The following OVCH1 variants were observed in gnomAD, a reference collection of about 807,000 sequenced individuals.
OVCH1 encodes ovochymase 1, also known as ovochymase-1.
Under a neutral mutation model 138.4 loss-of-function variants are expected in OVCH1, and 139 were observed. The observed-to-expected ratio is 1.00, with a 90% CI of 0.87 to 1.16. OVCH1 has a LOEUF of 1.16. Among genes scored for constraint, OVCH1 ranks in the 50% most tolerant of loss-of-function variants. The pLI is 0.00. For missense variants in OVCH1, 1,367 were observed against 1,357.9 expected (o/e 1.01, Z -0.11); for synonymous variants, 453 against 467.8 (o/e 0.97, Z 0.41).
At chr12:29,497,538 T>C in intron 1 of OVCH1, 85 bp downstream of exon 1, 1 of 1,520,048 alleles carries the variant, frequency 6.6e-7, no homozygotes, top group Non-Finnish European at 9.0e-7. Context: ...CACCCCGACT[T>C]CCTGAGGCAA....
intron 12 of OVCH1, among the ~76,000 whole-genome samples, 152 bp downstream of exon 12, chr12:29,476,950 A>C (rs1211361687): frequency 6.6e-6 from 1 of 152,150 alleles, no homozygotes; most frequent in East Asian, 1.9e-4. Flanking sequence ...AAAACCACTC[A>C]CAGAGATTTC....
At chr12:29,478,665 T>G (rs1290055379) in intron 9 of OVCH1, among the ~76,000 whole-genome samples, 170 bp downstream of exon 10, 1 of 152,074 alleles carries the variant, frequency 6.6e-6, no homozygotes, top group Non-Finnish European at 1.5e-5. Flanking sequence ...TATTTTTTTA[T>G]TTTTGTTTTT....
rs765185551 is a variant in OVCH1, at chr12:29,478,828, T to C, written c.1069+7A>G. 15 of 1,559,988 alleles carry C rather than the reference T, an allele frequency of 9.6e-6. No homozygotes were observed. The highest frequency in any genetic ancestry group is 1.4e-5 in the African/African-American group (1 of 72,678). ...ATGACAAATAAAAACAAATGTAACA[T>C]ACTTACTAAAAAGCACTCCACTGCT... On this transcript the variant is annotated splice_region_variant and intron_variant, in intron 9 of 27. Coordinates refer to ENST00000318184, the Ensembl canonical transcript of OVCH1.
intron 22 of OVCH1, among the ~76,000 whole-genome samples, chr12:29,450,580 C>T (rs866692613): frequency 2.6e-5 from 4 of 152,052 alleles, no homozygotes; most frequent in Non-Finnish European, 5.9e-5. Flanking sequence ...AGTGTAAATT[C>T]GTTCAACCAT....
At chr12:29,407,300 CTTTAG>C in the OVCH1 span, among the ~76,000 whole-genome samples, 12 of 130,484 alleles carry the variant, frequency 9.2e-5, 3 homozygotes, top group Non-Finnish European at 1.8e-4. Context: ...TGCAGAAGCT[CTTTAG>C]TTTAATTAGA....
At chr12:29,473,078 C>G in exon 15 of OVCH1, 1 of 1,609,798 alleles carries the variant, frequency 6.2e-7, no homozygotes, top group Non-Finnish European at 8.5e-7. Flanking sequence ...GGGGAGGTAA[C>G]TTTGGTTCAA....
rs1942591864 is a variant in OVCH1 at position 29,473,628 on chromosome 12, T to C, written c.1601-525A>G. 2.6e-5 allele frequency among the ~76,000 whole-genome samples: 4 copies of C among 152,102 alleles called. No individual in the cohort carries two copies. In the South Asian group the frequency reaches 8.3e-4, roughly 31 times the overall value. ...ACAGTCTTGTTCTTACATTTCTCTA[T>C]CATCTAGTGGCTTCTACCACTCACC... On this transcript the variant is annotated intron_variant, in intron 14 of 27. Transcript: ENST00000318184.
chr12:29,433,347 C>T (rs965957204), intron 27 of OVCH1, among the ~76,000 whole-genome samples: 4 of 152,060 alleles, frequency 2.6e-5, no homozygotes, highest in Admixed American at 6.6e-5. Context: ...AAAGGCAGTT[C>T]CCCAGCACAC....
downstream of OVCH1, among the ~76,000 whole-genome samples, chr12:29,411,634 A>G (rs1940957841): frequency 6.6e-6 from 1 of 152,078 alleles, no homozygotes; most frequent in Admixed American, 6.6e-5. Context: ...CGTGAACCGT[A>G]AATTCTGCTG....
intron 5 of OVCH1, 146 bp downstream of exon 5, chr12:29,490,951 C>A: frequency 3.0e-6 from 2 of 668,232 alleles, no homozygotes; most frequent in Non-Finnish European, 5.1e-6. Context: ...CCTTTCAATG[C>A]TGAGGACTAC....
intron 9 of OVCH1, among the ~76,000 whole-genome samples, chr12:29,478,397 A>G (rs1942814699): frequency 6.6e-6 from 1 of 152,142 alleles, no homozygotes; most frequent in African/African-American, 2.4e-5. Flanking sequence ...GTAAACATGT[A>G]CCCACTTTTG....
rs754832261 is a variant in OVCH1, at chr12:29,477,164, A to ATC, written c.1314_1315insGA (p.Leu439AspfsTer21). The ATC allele has an allele frequency of 8.1e-6, 13 of 1,613,584 alleles. No homozygotes were observed. In the South Asian group the frequency reaches 8.8e-5, roughly 11 times the overall value. Reference sequence around the variant, plus strand: ...TGACACCTTGTGTTACTGGGATACAAATCAGGATACTTGGCAGAGTGATTT... The same window carrying ATC: ...TGACACCTTGTGTTACTGGGATACAATCATCAGGATACTTGGCAGAGTGATTT... On this transcript the variant is annotated frameshift_variant, in exon 12 of 28. Coordinates refer to ENST00000318184, the Ensembl canonical transcript of OVCH1. LOFTEE classifies it high-confidence loss of function.
downstream of OVCH1, among the ~76,000 whole-genome samples, chr12:29,424,695 T>C (rs1941154072): frequency 6.6e-6 from 1 of 152,166 alleles, no homozygotes; most frequent in African/African-American, 2.4e-5. Context: ...CTCGATAATC[T>C]CATCTGCAAA....
intron 19 of OVCH1, among the ~76,000 whole-genome samples, chr12:29,458,080 G>A (rs1942013538): frequency 6.6e-6 from 1 of 152,052 alleles, no homozygotes; most frequent in South Asian, 2.1e-4. Flanking sequence ...CTATGACTTT[G>A]TAGATGAAAA....
chr12:29,451,233 C>T, intron 22 of OVCH1, 112 bp downstream of exon 22: 1 of 721,340 alleles, frequency 1.4e-6, no homozygotes, highest in East Asian at 2.8e-5. Context: ...ATTCCTATTA[C>T]ATGGATCAAC....
At chr12:29,460,993 A>C (rs868063259) in intron 19 of OVCH1, among the ~76,000 whole-genome samples, 10 of 152,224 alleles carry the variant, frequency 6.6e-5, no homozygotes, top group Non-Finnish European at 1.2e-4. Flanking sequence ...TTCACATGGA[A>C]GGACGTCCAC....
At position 29,487,811 on chromosome 12, in the gene OVCH1, C is replaced by T; in HGVS notation, c.774G>A (p.Trp258Ter). The T allele has an allele frequency of 1.2e-6, 2 of 1,607,082 alleles. No individual in the cohort carries two copies. Among genetic ancestry groups the T allele is most frequent in the Non-Finnish European group, 1.7e-6 (2 of 1,175,988 alleles). Residue 258 changes from tryptophan to a stop codon, truncating the protein, a stop_gained, in exon 7 of 28, where the codon TGG (tryptophan) becomes TGA (stop). Coordinates refer to ENST00000318184, the Ensembl canonical transcript of OVCH1. LOFTEE classifies it high-confidence loss of function. ...CTGAACCTCCAGCACAACCAGCTAC[C>T]CAGGAAGTTATCCCAGCAAGAATCC...
chr12:29,420,254 A>G (rs1941083972), intron 3 of OVCH1, among the ~76,000 whole-genome samples: 1 of 152,122 alleles, frequency 6.6e-6, no homozygotes, highest in Non-Finnish European at 1.5e-5. Context: ...ATTCTTTAAA[A>G]TTTTTCAGAA....
intron 3 of OVCH1, among the ~76,000 whole-genome samples, chr12:29,417,340 G>A (rs774712785): frequency 2.6e-5 from 4 of 151,750 alleles, no homozygotes; most frequent in Non-Finnish European, 4.4e-5. Context: ...GCATGCACCT[G>A]TAGTCTCAGC....
Sources: gnomAD v4.1 joint callset for allele counts (sites outside exome capture counted in the v4.1 genomes callset) on GRCh38, gnomAD v4.1.1 for gene constraint, MANE v1.5 for transcripts, NCBI Gene and HGNC (gene_info 2026-07-23, HGNC 2026-07-21) for gene names.